Variants in FLCN observed in about 807,000 individuals in gnomAD.
FLCN encodes the protein folliculin.
In FLCN, 22 loss-of-function variants were observed where a neutral mutation model predicts 62.5. That is an observed-to-expected ratio of 0.35 (90% CI 0.25 to 0.50). The LOEUF (loss-of-function observed/expected upper bound fraction) is 0.50. FLCN is among the 20% of genes least tolerant of loss of function. FLCN has a pLI of 0.97. For missense variants in FLCN, 657 were observed against 778.0 expected, an observed-to-expected ratio of 0.84 and a Z score of 1.85; for synonymous variants, 319 against 310.0, an observed-to-expected ratio of 1.03 and a Z score of -0.30.
At chr17:17,230,829 GT>G (rs962065275) in intron 3 of FLCN, among the ~76,000 whole-genome samples, 7 of 152,102 alleles carry the variant, frequency 4.6e-5, no homozygotes, top group Non-Finnish European at 1.0e-4. Context: ...GGAGGTGGAG[GT>G]TGCAGTGAGC....
rs2046787529 is a variant in FLCN, at chr17:17,212,377, T to C, written c.*1278A>G. On this transcript the variant is annotated 3_prime_UTR_variant, in exon 14 of 14. Coordinates refer to ENST00000285071, the MANE Select transcript of FLCN (RefSeq NM_144997.7). ...GCCATGAATCCTTATTAAAAATGTA[T>C]AGTGGGGGGTACCTGTAGCTGTATG... 5.7e-6 allele frequency: 1 copy of C among 174,186 alleles called. No homozygotes were observed. The highest frequency in any genetic ancestry group is 6.6e-5 in the Admixed American group (1 of 15,208). 10.8% of individuals were successfully genotyped at this position (174,186 alleles called of 1,614,324 possible). A position where few individuals can be genotyped will look rare whatever the true frequency, so the allele number is the denominator to read the frequency against.
rs556073709 is a variant in FLCN at position 17,214,442 on chromosome 17, A to G, written c.1538+543T>C. Among the ~76,000 whole-genome samples the G allele has an allele frequency of 3.9e-5, 6 of 152,048 alleles. No homozygotes were observed. In the East Asian group the frequency reaches 1.2e-3, roughly 30 times the overall value. Reference sequence around the variant, plus strand: ...AACCCTGTCTCTACTAAAAATACAAATATTAGCCAGGCATGGTGGTGGGTG... The same window carrying G: ...AACCCTGTCTCTACTAAAAATACAAGTATTAGCCAGGCATGGTGGTGGGTG... On this transcript the variant is annotated intron_variant, in intron 13 of 13. Transcript: ENST00000285071.
intron 11 of FLCN, 107 bp from the exon 12 acceptor site, chr17:17,215,423 G>A: frequency 1.9e-6 from 3 of 1,556,072 alleles, no homozygotes; most frequent in Non-Finnish European, 2.6e-6. Context: ...CAGTGGGGAA[G>A]GCTGCTGGTG....
chr17:17,222,165 C>T (rs778905330), intron 7 of FLCN, among the ~76,000 whole-genome samples: 2 of 151,938 alleles, frequency 1.3e-5, no homozygotes, highest in South Asian at 4.2e-4. Flanking sequence ...GGTGAAACCC[C>T]GTCTCTACCA....
At chr17:17,226,823 G>C (rs1326302258) in intron 4 of FLCN, among the ~76,000 whole-genome samples, 1 of 152,212 alleles carries the variant, frequency 6.6e-6, no homozygotes, top group Non-Finnish European at 1.5e-5. Flanking sequence ...CAAGCTCCAG[G>C]ATGTTGGTGT....
chr17:17,214,873 C>T, intron 13 of FLCN, 112 bp downstream of exon 13: 1 of 1,177,168 alleles, frequency 8.5e-7, no homozygotes, highest in South Asian at 1.2e-5. Context: ...CGCCCCCAAC[C>T]TCTTCTCTCG....
intron 3 of FLCN, chr17:17,228,555 T>C (rs1708618): frequency 0.51 from 119,706 of 232,442 alleles, 32,093 homozygotes; most frequent in East Asian, 0.63. Flanking sequence ...CCAATACATA[T>C]CTGCTTGGCA....
chr17:17,233,015 G>A (rs577400931), intron 1 of FLCN, 114 bp from the exon 2 acceptor site: 1 of 152,228 alleles, frequency 6.6e-6, no homozygotes, highest in African/African-American at 2.4e-5. Flanking sequence ...GTCTGATGAG[G>A]ATGTAGACAC....
chr17:17,217,406 C>T (rs1459151969), intron 9 of FLCN: 1 of 592,238 alleles, frequency 1.7e-6, no homozygotes, highest in Non-Finnish European at 3.0e-6. Context: ...AGCTCTTGCT[C>T]CAAGATCTTT....
chr17:17,235,348 G>A (rs1597638354), intron 1 of FLCN: 1 of 151,692 alleles, frequency 6.6e-6, no homozygotes, highest in Admixed American at 6.6e-5. Flanking sequence ...CTACTCAGGA[G>A]GCTGAGGCAG....
rs2145040130 is a variant in FLCN, at chr17:17,227,923, C to T, written c.215G>A (p.Ser72Asn). 6.2e-7 allele frequency: 1 copy of T among 1,614,156 alleles called. No individual in the cohort carries two copies. The highest frequency in any genetic ancestry group is 1.7e-5 in the Admixed American group (1 of 60,032). Residue 72 changes from serine to asparagine, a missense_variant, in exon 4 of 14, where the codon AGC becomes AAC. Physicochemically the swap from Ser to Asn is conservative, Grantham distance 46. Coordinates refer to ENST00000285071, the MANE Select transcript of FLCN (RefSeq NM_144997.7). ...SPAEGASVES[S>N]SPGPKKSDMC... ...GTCCGACTTTTTGGGCCCCGGGCTG[C>T]TGGACTCGACGCTGGCCCCCTCTGC...
In FLCN at chr17:17,224,574, C is replaced by G. The variant is rs143806146; in HGVS notation, c.397-431G>C. The G allele has an allele frequency of 3.3e-3, 1,029 of 315,572 alleles. 13 individuals carry two copies. The highest frequency in any genetic ancestry group is 0.021 in the African/African-American group (959 of 46,290). 19.5% of individuals were successfully genotyped at this position (315,572 alleles called of 1,614,324 possible). On this transcript the variant is annotated intron_variant, in intron 5 of 13. Transcript: ENST00000285071. ...ATTTGAGATGGAGTCTCGCTCTTGT[C>G]ACCCAGGCTGGAATGCAGTGGTGTG...
intron 5 of FLCN, chr17:17,224,617 C>A: frequency 4.5e-6 from 1 of 222,622 alleles, no homozygotes; most frequent in Non-Finnish European, 9.2e-6. Context: ...CCCACTGCAA[C>A]CTCCGTCTCC....
intron 2 of FLCN, 74 bp from the exon 3 acceptor site, chr17:17,231,956 TG>T (rs1187480289): frequency 6.5e-6 from 1 of 153,136 alleles, no homozygotes; most frequent in Non-Finnish European, 1.5e-5. Context: ...GAGGCAGGTG[TG>T]GGAGTCAGAG....
chr17:17,216,240 G>T lies in FLCN; in HGVS notation c.1300+140C>A. On this transcript the variant is annotated intron_variant, in intron 11 of 13. Transcript: ENST00000285071. This position sits in a 1 kb window ranked among gnomAD's most constrained non-coding sequence, Gnocchi z 4.0. The stretch of plus-strand genomic sequence containing the variant: ...ACCTGTGTGAAGATAGAACACGGAG[G>T]CCCAGAGCCATGGGGGAAGCTGGCC... 1 of 1,264,024 alleles carries T rather than the reference G, an allele frequency of 7.9e-7. No individual in the cohort carries two copies. The highest frequency in any genetic ancestry group is 1.1e-6 in the Non-Finnish European group (1 of 918,426). 78.3% of individuals were successfully genotyped at this position (1,264,024 alleles called of 1,614,324 possible). A position where few individuals can be genotyped will look rare whatever the true frequency, so the allele number is the denominator to read the frequency against.
chr17:17,227,185 CCT>C (rs765172338), intron 4 of FLCN, among the ~76,000 whole-genome samples: 6 of 152,194 alleles, frequency 3.9e-5, no homozygotes, highest in Non-Finnish European at 7.3e-5. Context: ...AACACCCACC[CCT>C]GATTTTGGGC....
At chr17:17,227,741 C>A (rs1056360723) in intron 4 of FLCN, 148 bp downstream of exon 4, 1 of 1,134,448 alleles carries the variant, frequency 8.8e-7, no homozygotes. Context: ...AAAACAAAAG[C>A]TACAGTCAGG....
At chr17:17,235,551 T>TA (rs2145140735) in intron 1 of FLCN, 1 of 152,362 alleles carries the variant, frequency 6.6e-6, no homozygotes, top group East Asian at 1.9e-4. Flanking sequence ...AGGCAGCCCC[T>TA]GAAAGAGAGG....
At chr17:17,214,773 C>T (rs1392225058) in intron 13 of FLCN, among the ~76,000 whole-genome samples, 5 of 152,140 alleles carry the variant, frequency 3.3e-5, no homozygotes, top group Non-Finnish European at 7.4e-5. Context: ...GCGCCACCCC[C>T]ACCTCCCCAT....
Sources: gnomAD v4.1 joint callset for allele counts (sites outside exome capture counted in the v4.1 genomes callset) on GRCh38, gnomAD v4.1.1 for gene constraint, Gnocchi (gnomAD v3.1) non-coding constraint, MANE v1.5 for transcripts, NCBI Gene and HGNC (gene_info 2026-07-23, HGNC 2026-07-21) for gene names.